CRIM1: variants seen among roughly 807,000 people sequenced by gnomAD.
CRIM1 encodes cysteine rich transmembrane BMP regulator 1, also known as cysteine-rich motor neuron 1 protein.
In CRIM1, 32 loss-of-function variants were observed where a neutral mutation model predicts 116.4. The observed-to-expected ratio is 0.27, with a 90% confidence interval of 0.21 to 0.37. The LOEUF is 0.37. Among genes scored for constraint, CRIM1 ranks in the 10% least tolerant of loss-of-function variants. The pLI is 1.00. For synonymous variants in CRIM1, 590 were observed against 509.2 expected (o/e 1.16, Z -2.13); for missense variants, 1,331 against 1,354.8 (o/e 0.98, Z 0.28).
chr2:36,387,257 T>G (rs1225365424), intron 1 of CRIM1, among the ~76,000 whole-genome samples: 4 of 152,240 alleles, frequency 2.6e-5, no homozygotes, highest in Admixed American at 2.6e-4. Context: ...GGATGTCTTT[T>G]TAGAGTATCC....
rs981864876 is a variant in CRIM1, at chr2:36,512,198, C to T, written c.1659-75C>T. 10 of 1,539,392 alleles carry T rather than the reference C, an allele frequency of 6.5e-6. No homozygotes were observed. The African/African-American group carries it at 1.2e-4, about 19-fold the overall frequency. ...TTTAATAGCAATATCACTTTATTGA[C>T]CCTTGGTCTGAGTGCTTGGGCATCA... On this transcript the variant is annotated intron_variant, in intron 9 of 16. Transcript: ENST00000280527.
Position 36,424,198 on chromosome 2 carries a change from TTTATAAAGTAGGTTG to T in CRIM1, c.506-17058_506-17044del, listed in dbSNP as rs775837418. Among the ~76,000 whole-genome samples, 392 of 152,262 alleles carry T rather than the reference TTTATAAAGTAGGTTG, an allele frequency of 2.6e-3. 2 individuals are homozygous for T. Among genetic ancestry groups the T allele is most frequent in the South Asian group, 4.8e-3 (23 of 4,824 alleles). ...ATAATTAATGATGCAATGTGAACATTTTATAAAGTAGGTTGTGCATAAAGTCTACGAAAATAGACT... is the reference window on the plus strand; with the variant it reads ...ATAATTAATGATGCAATGTGAACATTTGCATAAAGTCTACGAAAATAGACT... On this transcript the variant is annotated intron_variant, in intron 2 of 16. Coordinates refer to ENST00000280527, the MANE Select transcript of CRIM1 (RefSeq NM_016441.3).
At chr2:36,432,204 G>C (rs1674947504) in intron 2 of CRIM1, among the ~76,000 whole-genome samples, 1 of 152,092 alleles carries the variant, frequency 6.6e-6, no homozygotes. Context: ...GTTCGGTGGG[G>C]GAGGTATTCA....
chr2:36,436,086 T>G (rs759047520), intron 2 of CRIM1, among the ~76,000 whole-genome samples: 109 of 152,206 alleles, frequency 7.2e-4, no homozygotes, highest in Non-Finnish European at 1.5e-4. Context: ...AGAAAAACTT[T>G]CTAATTGATG....
chr2:36,406,622 TCCC>T lies in CRIM1; in HGVS notation c.505+9844_505+9846del, dbSNP rs77778781. Among the ~76,000 whole-genome samples the T allele has an allele frequency of 3.8e-3, 408 of 106,040 alleles. 5 individuals carry two copies. The highest frequency in any genetic ancestry group is 0.014 in the African/African-American group (369 of 25,936). 69.6% of individuals were successfully genotyped at this position (106,040 alleles called of 152,430 possible). ...TTTAACTCTGCTAATATTTGACCCCTCCCCCCCCCCCAAAAAAAAACAAAAAAA... is the reference window on the plus strand; with the variant it reads ...TTTAACTCTGCTAATATTTGACCCCTCCCCCCCCAAAAAAAAACAAAAAAA... On this transcript the variant is annotated intron_variant, in intron 2 of 16. Coordinates refer to ENST00000280527, the MANE Select transcript of CRIM1 (RefSeq NM_016441.3).
rs1166013689 is a variant in CRIM1 at position 36,364,888 on chromosome 2, G to A, written c.331+8265G>A. ...ATATGCTAGTTTCTGGTACCAAATA[G>A]ATTTTTTAAAATAATATTAATTTTA... On this transcript the variant is annotated intron_variant, in intron 1 of 16. Transcript: ENST00000280527. Among the ~76,000 whole-genome samples the A allele has an allele frequency of 3.3e-5, 5 of 152,050 alleles. No individual in the cohort carries two copies. In the South Asian group the frequency reaches 1.0e-3, roughly 32 times the overall value.
intron 1 of CRIM1, among the ~76,000 whole-genome samples, chr2:36,394,436 A>C (rs1434198230): frequency 6.6e-6 from 1 of 152,056 alleles, no homozygotes; most frequent in Non-Finnish European, 1.5e-5. Context: ...GTTATAACTG[A>C]AGACAAATAT....
At position 36,477,064 on chromosome 2, in the gene CRIM1, G is replaced by A; in HGVS notation, c.1167G>A (p.Val389=). The A allele has an allele frequency of 6.2e-7, 1 of 1,608,324 alleles. No homozygotes were observed. The highest frequency in any genetic ancestry group is 2.2e-5 in the East Asian group (1 of 44,632). The part of the protein sequence containing the change: ...YYVPEGECCP[V]CEDPVYPFNN... The stretch of plus-strand genomic sequence containing the variant: ...TGCCCGAAGGAGAGTGCTGCCCAGT[G>A]TGTGAAGGTAAGAAAAGGTGCTAAT... Residue 389 remains valine (V), a synonymous_variant, in exon 6 of 17, where the codon GTG becomes GTA. Coordinates refer to ENST00000280527, the MANE Select transcript of CRIM1 (RefSeq NM_016441.3).
chr2:36,463,832 C>G (rs776367366), intron 4 of CRIM1, among the ~76,000 whole-genome samples: 1 of 152,166 alleles, frequency 6.6e-6, no homozygotes, highest in African/African-American at 2.4e-5. Context: ...GATCGATGCT[C>G]AGGTGGGAGC....
At position 36,510,091 on chromosome 2, in the gene CRIM1, A is replaced by G. The variant is rs1558384644; in HGVS notation, c.1610A>G (p.Lys537Arg). 3 of 1,614,210 alleles carry G rather than the reference A, an allele frequency of 1.9e-6. No individual in the cohort carries two copies. The highest frequency in any genetic ancestry group is 2.5e-6 in the Non-Finnish European group (3 of 1,180,022). ...CEICECRPRP[K>R]KCRPIICDKY... ...ATCTGTGAGTGCCGCCCAAGGCCCA[A>G]GAAGTGCAGACCCATAATCTGTGAC... The change falls in exon 9 of 17, where the codon AAG becomes AGG. Residue 537 changes from lysine to arginine, a missense_variant. Physicochemically the swap from Lys to Arg is conservative, Grantham distance 26. This residue lies in a region of CRIM1 where 358 missense variants were observed against 436.1 expected (regional missense o/e 0.82). Transcript: ENST00000280527.
chr2:36,506,863 TA>T (rs1428999751), intron 8 of CRIM1, among the ~76,000 whole-genome samples: 13 of 152,120 alleles, frequency 8.5e-5, no homozygotes, highest in African/African-American at 2.4e-5. Context: ...TTTATTTATT[TA>T]TTTTTTTTTT....
chr2:36,481,705 C>T (rs2125050672), intron 7 of CRIM1, among the ~76,000 whole-genome samples: 1 of 152,246 alleles, frequency 6.6e-6, no homozygotes, highest in South Asian at 2.1e-4. Flanking sequence ...AGGTTTAAGG[C>T]GATTTAGATC....
At chr2:36,519,725 C>T (rs1003096432) in intron 12 of CRIM1, among the ~76,000 whole-genome samples, 8 of 152,180 alleles carry the variant, frequency 5.3e-5, no homozygotes, top group Non-Finnish European at 1.2e-4. Context: ...AGCTTTCCCT[C>T]TTCTCTGGCC....
chr2:36,515,298 C>G (rs1664963231), intron 11 of CRIM1, among the ~76,000 whole-genome samples: 1 of 152,176 alleles, frequency 6.6e-6, no homozygotes, highest in African/African-American at 2.4e-5. Flanking sequence ...CCAGAAAGAT[C>G]TTTCTCTATT....
intron 1 of CRIM1, among the ~76,000 whole-genome samples, chr2:36,388,844 A>T (rs986078345): frequency 7.2e-5 from 11 of 152,208 alleles, no homozygotes; most frequent in African/African-American, 2.7e-4. Flanking sequence ...AAGTACAGCA[A>T]TGGGACATAT....
At chr2:36,543,702 TA>T (rs11418660) in intron 14 of CRIM1, among the ~76,000 whole-genome samples, 1 of 148,658 alleles carries the variant, frequency 6.7e-6, no homozygotes. Context: ...TTTTTTTTTT[TA>T]AAAAGACCTG....
intron 7 of CRIM1, among the ~76,000 whole-genome samples, chr2:36,493,207 G>A (rs555289168): frequency 6.6e-6 from 1 of 151,900 alleles, no homozygotes; most frequent in South Asian, 2.1e-4. Context: ...TCAGGAGTTC[G>A]AGACCAGACT....
At chr2:36,499,415 A>G (rs1680832244) in intron 8 of CRIM1, 68 bp downstream of exon 8, 1 of 1,490,744 alleles carries the variant, frequency 6.7e-7, no homozygotes, top group Non-Finnish European at 9.2e-7. Context: ...ATATTATGTA[A>G]TTGAATATCT....
At chr2:36,429,003 T>C (rs1415405587) in intron 2 of CRIM1, among the ~76,000 whole-genome samples, 2 of 152,204 alleles carry the variant, frequency 1.3e-5, no homozygotes, top group African/African-American at 2.4e-5. Flanking sequence ...TAATGCTGTT[T>C]AGAGTTGCGC....
Sources: gnomAD v4.1 joint callset for allele counts (sites outside exome capture counted in the v4.1 genomes callset) on GRCh38, gnomAD v4.1.1 for gene constraint, gnomAD v4.1.1 regional missense constraint, MANE v1.5 for transcripts, NCBI Gene and HGNC (gene_info 2026-07-23, HGNC 2026-07-21) for gene names.